AKAP8: variants seen among roughly 807,000 people sequenced by gnomAD.
The protein encoded by AKAP8 is A-kinase anchor protein 8.
Under a neutral mutation model 67.5 loss-of-function variants are expected in AKAP8, and 24 were observed. The ratio of observed to expected loss-of-function variants is 0.36; its 90% CI spans 0.26 to 0.50. The LOEUF (loss-of-function observed/expected upper bound fraction) is 0.50. Ranked by LOEUF, AKAP8 falls within the 20% of genes least tolerant of loss-of-function variation. The pLI, the probability that AKAP8 is intolerant of heterozygous loss-of-function variation, is 0.97. For synonymous variants in AKAP8, 400 were observed against 371.1 expected (o/e 1.08, Z -0.90); for missense variants, 971 against 955.9 (o/e 1.02, Z -0.21).
At position 15,372,211 on chromosome 19, in the gene AKAP8, G is replaced by A. The variant is rs376955295; in HGVS notation, c.991+7C>T. ...TCTGTCTGGCCCACCTGGCCCCCAG[G>A]ACATACCATTTTCGGAGAAATCTCC... is the stretch of plus-strand genomic sequence containing the variant. On this transcript the variant is annotated splice_region_variant and intron_variant, in intron 6 of 13. Transcript: ENST00000269701. 11 of 1,614,006 alleles carry A rather than the reference G, an allele frequency of 6.8e-6. No individual in the cohort carries two copies. The East Asian group carries it at 1.8e-4, about 26-fold the overall frequency.
intron 8 of AKAP8, chr19:15,368,801 T>G (rs1967109551): frequency 1.0e-6 from 1 of 985,236 alleles, no homozygotes; most frequent in African/African-American, 1.7e-5. Flanking sequence ...CGGCCCCGTC[T>G]GAACTAGGGC....
At chr19:15,360,648 G>A (rs1966949374) in intron 12 of AKAP8, among the ~76,000 whole-genome samples, 200 bp downstream of exon 12, 1 of 152,172 alleles carries the variant, frequency 6.6e-6, no homozygotes, top group Non-Finnish European at 1.5e-5. Flanking sequence ...CTCAGCTACT[G>A]CATTTAATCG....
rs764675155 is a variant in AKAP8, at chr19:15,370,143, T to C, written c.1072+3A>G. ...AAGCTGCAAGGGACACGGTGATGCC[T>C]ACCTCTTTGCCTCCCAGAGTCGCAG... On this transcript the variant is annotated splice_donor_region_variant and intron_variant, in intron 8 of 13. Coordinates refer to ENST00000269701, the MANE Select transcript of AKAP8 (RefSeq NM_005858.4). 3 of 1,614,122 alleles carry C rather than the reference T, an allele frequency of 1.9e-6. No individual in the cohort carries two copies. The highest frequency in any genetic ancestry group is 3.3e-5 in the Admixed American group (2 of 60,016).
At chr19:15,377,455 A>G (rs1967272653) in intron 1 of AKAP8, among the ~76,000 whole-genome samples, 2 of 152,336 alleles carry the variant, frequency 1.3e-5, no homozygotes, top group African/African-American at 4.8e-5. Flanking sequence ...GCATCTTTCT[A>G]AGCTGCACTT....
intron 10 of AKAP8, 127 bp downstream of exon 10, chr19:15,361,983 A>T: frequency 2.1e-6 from 3 of 1,423,966 alleles, no homozygotes; most frequent in South Asian, 2.7e-5. Flanking sequence ...AGGGACTTAC[A>T]CAGCTACTCT....
intron 12 of AKAP8, among the ~76,000 whole-genome samples, chr19:15,359,441 T>C (rs898763834): frequency 1.3e-5 from 2 of 152,198 alleles, no homozygotes; most frequent in African/African-American, 2.4e-5. Flanking sequence ...ATGAATATGC[T>C]GGGTGTGGCA....
At chr19:15,370,497 T>A (rs1967136671) in intron 7 of AKAP8, among the ~76,000 whole-genome samples, 1 of 152,180 alleles carries the variant, frequency 6.6e-6, no homozygotes, top group Non-Finnish European at 1.5e-5. Context: ...CGTACAATTC[T>A]ATGAATGGAG....
intron 5 of AKAP8, among the ~76,000 whole-genome samples, chr19:15,372,586 A>C (rs981161379): frequency 1.3e-5 from 2 of 151,658 alleles, no homozygotes; most frequent in African/African-American, 4.8e-5. Context: ...ACACAAATCC[A>C]GAGACCAGTG....
At chr19:15,378,730 G>T (rs548658393) in intron 1 of AKAP8, among the ~76,000 whole-genome samples, 1 of 152,290 alleles carries the variant, frequency 6.6e-6, no homozygotes, top group South Asian at 2.1e-4. Flanking sequence ...CAGACCACTA[G>T]CTTCTCTACA....
At chr19:15,359,412 T>C (rs1254659022) in intron 12 of AKAP8, among the ~76,000 whole-genome samples, 1 of 152,218 alleles carries the variant, frequency 6.6e-6, no homozygotes, top group East Asian at 1.9e-4. Context: ...ATTGATTTCA[T>C]AAGTTCAACA....
At position 15,377,868 on chromosome 19, in the gene AKAP8, C is replaced by G. The variant is rs182066550; in HGVS notation, c.20-854G>C. 3.8e-3 allele frequency among the ~76,000 whole-genome samples: 576 copies of G among 152,288 alleles called. 2 individuals carry two copies. The highest frequency in any genetic ancestry group is 6.4e-3 in the Non-Finnish European group (438 of 68,028). On this transcript the variant is annotated intron_variant, in intron 1 of 13. Coordinates refer to ENST00000269701, the MANE Select transcript of AKAP8 (RefSeq NM_005858.4). ...TCAGACAGCACTCTTCACCCCTCCACACCCCCCGCCCACTATGGCATCTGT... is the reference window on the plus strand; with the variant it reads ...TCAGACAGCACTCTTCACCCCTCCAGACCCCCCGCCCACTATGGCATCTGT...
chr19:15,355,344 A>G lies in AKAP8; in HGVS notation c.1650T>C (p.Thr550=). The G allele has an allele frequency of 6.2e-7, 1 of 1,613,564 alleles. No individual in the cohort carries two copies. The part of the protein sequence containing the change: ...LKGEDPFTSE[T]VDPEMEGDDN... ...CATCTCCTTCCATTTCTGGATCAACAGTTTCACTGGTGAAAGGGTCCTCAC... is the reference window on the plus strand; with the variant it reads ...CATCTCCTTCCATTTCTGGATCAACGGTTTCACTGGTGAAAGGGTCCTCAC... Residue 550 remains threonine, a synonymous_variant, in exon 14 of 14, where the codon ACT becomes ACC. Transcript: ENST00000269701.
At chr19:15,356,607 C>G (rs1367114746) in intron 13 of AKAP8, among the ~76,000 whole-genome samples, 2 of 151,942 alleles carry the variant, frequency 1.3e-5, no homozygotes, top group Admixed American at 1.3e-4. Flanking sequence ...AAATCCAAGT[C>G]TGACTCCCTC....
intron 6 of AKAP8, 35 bp from the exon 7 acceptor site, chr19:15,372,033 G>A (rs185384169): frequency 1.3e-5 from 21 of 1,613,450 alleles, no homozygotes; most frequent in East Asian, 6.7e-5. Context: ...GTCAGTCCCC[G>A]GAGAACGGTC....
intron 10 of AKAP8, 89 bp from the exon 11 acceptor site, chr19:15,361,911 C>A: frequency 7.1e-7 from 1 of 1,406,982 alleles, no homozygotes; most frequent in South Asian, 1.2e-5. Flanking sequence ...AGGCAGCTAT[C>A]AGAGCAGCTG....
chr19:15,379,591 G>T (rs1468816151), intron 1 of AKAP8, 122 bp downstream of exon 1: 1 of 1,169,196 alleles, frequency 8.6e-7, no homozygotes, highest in Non-Finnish European at 1.2e-6. Context: ...CGCCTCTCCG[G>T]AGGGCCCAGC....
intron 1 of AKAP8, chr19:15,379,431 A>G (rs1967328981): frequency 4.9e-6 from 2 of 409,172 alleles, no homozygotes; most frequent in Admixed American, 4.6e-5. Flanking sequence ...AACGGCCCAC[A>G]CTGTCTAAGA....
intron 13 of AKAP8, among the ~76,000 whole-genome samples, chr19:15,358,716 G>A (rs776243038): frequency 6.6e-6 from 1 of 152,050 alleles, no homozygotes. Flanking sequence ...AAACAATCAG[G>A]ATTTTTCATG....
chr19:15,372,068 C>T, intron 6 of AKAP8, 70 bp from the exon 7 acceptor site: 1 of 1,611,016 alleles, frequency 6.2e-7, no homozygotes, highest in Admixed American at 1.7e-5. Context: ...CCCTCCCAAG[C>T]TCGCCATCCA....
Sources: gnomAD v4.1 joint callset for allele counts (sites outside exome capture counted in the v4.1 genomes callset) on GRCh38, gnomAD v4.1.1 for gene constraint, MANE v1.5 for transcripts, NCBI Gene and HGNC (gene_info 2026-07-23, HGNC 2026-07-21) for gene names.